Variants in MFAP2 observed in about 807,000 individuals in gnomAD.
MFAP2 encodes microfibril associated protein 2.
MFAP2 carries 23 observed loss-of-function variants against 30.6 expected under a neutral mutation model. The ratio of observed to expected loss-of-function variants is 0.75; its 90% CI spans 0.54 to 1.07. The LOEUF (loss-of-function observed/expected upper bound fraction) is 1.07. Ranked by LOEUF, MFAP2 falls within the 50% of genes least tolerant of loss-of-function variation. The pLI is 0.00. For missense variants in MFAP2, 198 were observed against 223.8 expected (o/e 0.88, Z 0.74); for synonymous variants, 73 against 85.7 (o/e 0.85, Z 0.82).
chr1:16,975,535 CTCACTA>C lies in MFAP2; in HGVS notation c.374+102_374+107del. On this transcript the variant is annotated intron_variant, in intron 7 of 8. Transcript: ENST00000375535. The surrounding 1 kb of genome is among the most constrained non-coding windows in gnomAD (Gnocchi z 5.0). ...CACAGAACTGAGCTCAACTTAAGGA[CTCACTA>C]TCTTTCCTCCAACTCCCACCTTGGC... is the stretch of plus-strand genomic sequence containing the variant. 7.8e-7 allele frequency: 1 copy of C among 1,290,278 alleles called. No individual in the cohort carries two copies. The highest frequency in any genetic ancestry group is 1.1e-6 in the Non-Finnish European group (1 of 903,276). 79.9% of individuals were successfully genotyped at this position (1,290,278 alleles called of 1,614,324 possible).
rs2076608712 is a variant in MFAP2 at position 16,978,185 on chromosome 1, ACTC to A, written c.37+49_37+51del. On this transcript the variant is annotated intron_variant, in intron 2 of 8. Transcript: ENST00000375535. Reference sequence around the variant, plus strand: ...ACTATGAATTCCCCCTACTAACCCTACTCCTCAGCCCCACATAAGAGGAGCTAC... The same window carrying A: ...ACTATGAATTCCCCCTACTAACCCTACTCAGCCCCACATAAGAGGAGCTAC... The A allele has an allele frequency of 3.9e-6, 6 of 1,536,668 alleles. No individual in the cohort carries two copies. The African/African-American group carries it at 6.9e-5, about 18-fold the overall frequency.
rs538627485 is a variant in MFAP2 at position 16,976,313 on chromosome 1, G to T, written c.286+188C>A. 2 of 695,474 alleles carry T rather than the reference G, an allele frequency of 2.9e-6. No homozygotes were observed. Among genetic ancestry groups the T allele is most frequent in the South Asian group, 3.4e-5 (2 of 58,214 alleles). 43.1% of individuals were successfully genotyped at this position (695,474 alleles called of 1,614,324 possible). On this transcript the variant is annotated intron_variant, in intron 6 of 8. Coordinates refer to ENST00000375535, the MANE Select transcript of MFAP2 (RefSeq NM_002403.4). This position sits in a 1 kb window ranked among gnomAD's most constrained non-coding sequence, Gnocchi z 5.5. ...TTAGCCTCCAGCCAGGCACACTGGG[G>T]ACAGGTGGGACCTCCTGGAGCTGCC...
In MFAP2 at chr1:16,976,867, G is replaced by T; in HGVS notation, c.154+30C>A. The T allele has an allele frequency of 1.2e-6, 2 of 1,614,084 alleles. No homozygotes were observed. The highest frequency in any genetic ancestry group is 1.7e-6 in the Non-Finnish European group (2 of 1,179,978). ...GGGGGTCTCCCCACCCCAGCTGCCGGCCCGTCCTATCCTACCCCTAGCCCG... is the reference window on the plus strand; with the variant it reads ...GGGGGTCTCCCCACCCCAGCTGCCGTCCCGTCCTATCCTACCCCTAGCCCG... On this transcript the variant is annotated intron_variant, in intron 4 of 8. Transcript: ENST00000375535. The surrounding 1 kb of genome is among the most constrained non-coding windows in gnomAD (Gnocchi z 5.5).
chr1:16,975,296 C>A lies in MFAP2; in HGVS notation c.421G>T (p.Val141Leu). 6.8e-6 allele frequency: 11 copies of A among 1,614,004 alleles called. No homozygotes were observed. Among genetic ancestry groups the A allele is most frequent in the Non-Finnish European group, 9.3e-6 (11 of 1,179,934 alleles). The part of the protein sequence containing the change: ...VINKEICVRT[V>L]CAHEELLRAD... ...CGGAGGAGCTCCTCATGGGCACACA[C>A]TGTACGAACACAGATCTCCTTGTTA... Residue 141 changes from valine to leucine, a missense_variant, in exon 8 of 9, where the codon GTG (valine) becomes TTG (leucine). By Grantham distance (32) the Val-to-Leu change is conservative. Coordinates refer to ENST00000375535, the MANE Select transcript of MFAP2 (RefSeq NM_002403.4). This position sits in a 1 kb window ranked among gnomAD's most constrained non-coding sequence, Gnocchi z 5.0.
chr1:16,978,115 G>T (rs2076608026), intron 2 of MFAP2, 122 bp downstream of exon 2: 1 of 1,114,456 alleles, frequency 9.0e-7, no homozygotes, highest in Non-Finnish European at 1.3e-6. Flanking sequence ...GAAGGCCCTG[G>T]GAGCTGGGGA....
chr1:16,975,557 C>A lies in MFAP2; in HGVS notation c.374+86G>T. 7.0e-7 allele frequency: 1 copy of A among 1,428,738 alleles called. No individual in the cohort carries two copies. The highest frequency in any genetic ancestry group is 9.8e-7 in the Non-Finnish European group (1 of 1,024,282). 88.5% of individuals were successfully genotyped at this position (1,428,738 alleles called of 1,614,324 possible). A position where few individuals can be genotyped will look rare whatever the true frequency, so the allele number is the denominator to read the frequency against. ...GGACTCACTATCTTTCCTCCAACTC[C>A]CACCTTGGCGGGCCAGAGCTGTCCC... On this transcript the variant is annotated intron_variant, in intron 7 of 8. Coordinates refer to ENST00000375535, the MANE Select transcript of MFAP2 (RefSeq NM_002403.4). The surrounding 1 kb of genome is among the most constrained non-coding windows in gnomAD (Gnocchi z 5.0).
intron 2 of MFAP2, chr1:16,977,732 A>C (rs1049482762): frequency 5.7e-6 from 1 of 176,504 alleles, no homozygotes; most frequent in Non-Finnish European, 1.2e-5. Context: ...CTAGCCCAGC[A>C]CTTGGCACGT....
At position 16,977,162 on chromosome 1, in the gene MFAP2, G is replaced by C; in HGVS notation, c.74C>G (p.Pro25Arg). Residue 25 changes from proline (P) to arginine (R), a missense_variant, in exon 3 of 9, where the codon CCG (proline) becomes CGG (arginine). Physicochemically the swap from Pro to Arg is moderately radical, Grantham distance 103. Transcript: ENST00000375535. The stretch of plus-strand genomic sequence containing the variant: ...GACGTGGTCAGGGAACGGCGGCAGC[G>C]GGTCCAGGTCATACTGGCCCTGAGC... Reference protein sequence around the residue: ...LLAQGQYDLDPLPPFPDHVQY... With the variant: ...LLAQGQYDLDRLPPFPDHVQY... The C allele has an allele frequency of 6.2e-7, 1 of 1,613,530 alleles. No homozygotes were observed. Among genetic ancestry groups the C allele is most frequent in the Middle Eastern group, 1.6e-4 (1 of 6,062 alleles).
chr1:16,981,475 AGCCCT>A (rs149493111), upstream of MFAP2, among the ~76,000 whole-genome samples: 2,885 of 150,932 alleles, frequency 0.019, 92 homozygotes, highest in African/African-American at 0.068. Context: ...CCCTGCCCTT[AGCCCT>A]GCATCTAATC....
At chr1:16,980,683 G>GC (rs2076632517), upstream of MFAP2, 1 of 152,002 alleles carries the variant, frequency 6.6e-6, no homozygotes, top group African/African-American at 2.4e-5. Context: ...CGGGGCTGGC[G>GC]CCCGCCCTCC....
chr1:16,977,083 C>T, intron 3 of MFAP2, 26 bp downstream of exon 3: 1 of 1,613,460 alleles, frequency 6.2e-7, no homozygotes, highest in Non-Finnish European at 8.5e-7. Flanking sequence ...AGCAGCCAGG[C>T]CTCGGTGACC....
chr1:16,977,314 C>T, intron 2 of MFAP2, 116 bp from the exon 3 acceptor site: 2 of 904,790 alleles, frequency 2.2e-6, no homozygotes, highest in East Asian at 2.6e-5. Flanking sequence ...GCCTAGGACC[C>T]CACAAGCAGA....
chr1:16,978,331 G>A lies in MFAP2; in HGVS notation c.-41-17C>T, dbSNP rs2076610400. 28 of 1,545,434 alleles carry A rather than the reference G, an allele frequency of 1.8e-5. No individual in the cohort carries two copies. The highest frequency in any genetic ancestry group is 2.5e-5 in the Non-Finnish European group (28 of 1,139,666). ...AGAGGACAGCTGGGGAAAGACCGGT[G>A]GGAGAGCTCTACCCAGGGCCACACC... On this transcript the variant is annotated splice_polypyrimidine_tract_variant and intron_variant, in intron 1 of 8. Transcript: ENST00000375535.
chr1:16,976,833 C>T lies in MFAP2; in HGVS notation c.155-39G>A. On this transcript the variant is annotated intron_variant, in intron 4 of 8. Transcript: ENST00000375535. The surrounding 1 kb of genome is among the most constrained non-coding windows in gnomAD (Gnocchi z 5.5). ...AGGATAAGGGGGTCTGCTCCCTCTA[C>T]CCCTCCCAGGGGGTCTCCCCACCCC... 1 of 1,614,042 alleles carries T rather than the reference C, an allele frequency of 6.2e-7. No individual in the cohort carries two copies. Among genetic ancestry groups the T allele is most frequent in the Non-Finnish European group, 8.5e-7 (1 of 1,179,966 alleles).
chr1:16,980,485 A>G (rs2076629550), intron 1 of MFAP2, 102 bp downstream of exon 1: 1 of 151,784 alleles, frequency 6.6e-6, no homozygotes, highest in South Asian at 2.1e-4. Context: ...CTGCCCCAGG[A>G]TCGAGGACCC....
chr1:16,975,655 A>C lies in MFAP2; in HGVS notation c.362T>G (p.Val121Gly). The change falls in exon 7 of 9, where the codon GTC (valine) becomes GGC (glycine). Residue 121 changes from valine (V) to glycine (G), a missense_variant. Val to Gly is a moderately radical substitution (Grantham distance 109, BLOSUM62 -3). Coordinates refer to ENST00000375535, the MANE Select transcript of MFAP2 (RefSeq NM_002403.4). The surrounding 1 kb of genome is among the most constrained non-coding windows in gnomAD (Gnocchi z 5.0). ...CATCTGTGCTCACCTGTAGAAGCAG[A>C]CCTCGTTGAGACACTGTTTGCAAGG... is the stretch of plus-strand genomic sequence containing the variant. ...HRPCKQCLNE[V>G]CFYSLRRVYV... is the part of the protein sequence containing the mutation. 1 of 1,613,994 alleles carries C rather than the reference A, an allele frequency of 6.2e-7. No individual in the cohort carries two copies. Among genetic ancestry groups the C allele is most frequent in the Non-Finnish European group, 8.5e-7 (1 of 1,179,948 alleles).
Position 16,975,730 on chromosome 1 carries a change from T to C in MFAP2, c.287A>G (p.Asp96Gly). The change falls in exon 7 of 9, where the codon GAC (aspartate) becomes GGC (glycine). Residue 96 changes from aspartate to glycine, a missense_variant and splice_region_variant. Physicochemically the swap from Asp to Gly is moderately conservative, Grantham distance 94 (BLOSUM62 -1). Transcript: ENST00000375535. The surrounding 1 kb of genome is among the most constrained non-coding windows in gnomAD (Gnocchi z 5.0). ...ELEPTEPGPLDCREEQYPCTR... is the reference protein window; with the variant it reads ...ELEPTEPGPLGCREEQYPCTR... ...GCACGGGTACTGTTCCTCACGGCAG[T>C]CTGGTGACAGGTGGGGTCAGACTAG... 8 of 1,612,972 alleles carry C rather than the reference T, an allele frequency of 5.0e-6. No individual in the cohort carries two copies. Among genetic ancestry groups the C allele is most frequent in the Non-Finnish European group, 6.8e-6 (8 of 1,179,518 alleles).
rs767601324 is a variant in MFAP2, at chr1:16,975,327, G to A, written c.390C>T (p.Tyr130=). The change falls in exon 8 of 9, where the codon TAC becomes TAT. Residue 130 remains tyrosine, a synonymous_variant. Coordinates refer to ENST00000375535, the MANE Select transcript of MFAP2 (RefSeq NM_002403.4). This position sits in a 1 kb window ranked among gnomAD's most constrained non-coding sequence, Gnocchi z 5.0. ...GAACACAGATCTCCTTGTTAATGACGTACACACGGCGGAGGCTGCGGGGAC... is the reference window on the plus strand; with the variant it reads ...GAACACAGATCTCCTTGTTAATGACATACACACGGCGGAGGCTGCGGGGAC... ...EVCFYSLRRV[Y]VINKEICVRT... is the part of the protein sequence containing the mutation. 6.8e-6 allele frequency: 11 copies of A among 1,613,834 alleles called. No individual in the cohort carries two copies. Among genetic ancestry groups the A allele is most frequent in the Middle Eastern group, 1.6e-4 (1 of 6,072 alleles).
chr1:16,980,272 C>T (rs1392953274), intron 1 of MFAP2, among the ~76,000 whole-genome samples: 1 of 134,344 alleles, frequency 7.4e-6, no homozygotes, highest in African/African-American at 2.7e-5. Flanking sequence ...ACCGGACCCC[C>T]CCCCCCCACC....
Sources: allele counts gnomAD v4.1 joint callset (sites outside exome capture counted in the v4.1 genomes callset), GRCh38; gene constraint gnomAD v4.1.1; non-coding constraint Gnocchi (gnomAD v3.1); transcripts MANE v1.5; gene names NCBI Gene and HGNC (gene_info 2026-07-23, HGNC 2026-07-21).